LAMA5: variants seen among roughly 807,000 people sequenced by gnomAD.
LAMA5 encodes the protein laminin subunit alpha-5.
LAMA5 carries 260 observed loss-of-function variants against 433.4 expected under a neutral mutation model. That is an observed-to-expected ratio of 0.60 (90% CI 0.54 to 0.66). LAMA5 has a LOEUF of 0.66. Ranked by LOEUF, LAMA5 falls within the 30% of genes least tolerant of loss-of-function variation. The probability of loss-of-function intolerance (pLI) is 0.00; values close to 1 mark genes in which losing one functional copy is unlikely to be tolerated. For missense variants in LAMA5, 5,378 were observed against 5,258.5 expected, an observed-to-expected ratio of 1.02 and a Z score of -0.70; for synonymous variants, 2,620 against 2,226.6, an observed-to-expected ratio of 1.18 and a Z score of -4.97.
chr20:62,314,002 C>T (rs1251134916), intron 62 of LAMA5, among the ~76,000 whole-genome samples, 200 bp from the exon 63 acceptor site: 2 of 68,972 alleles, frequency 2.9e-5, no homozygotes, highest in Non-Finnish European at 5.6e-5. Flanking sequence ...GGCACAGAGA[C>T]GAGGGGTGGC....
At position 62,345,847 on chromosome 20, in the gene LAMA5, T is replaced by A. The variant is rs1183950648; in HGVS notation, c.1448A>T (p.Glu483Val). The A allele has an allele frequency of 3.9e-6, 6 of 1,552,358 alleles. No individual in the cohort carries two copies. The highest frequency in any genetic ancestry group is 4.4e-6 in the Non-Finnish European group (5 of 1,147,848). Residue 483 changes from glutamate to valine, a missense_variant, in exon 11 of 80, where the codon GAG becomes GTG. By Grantham distance (121) the Glu-to-Val change is moderately radical. Transcript: ENST00000252999. ...PTPSSSNDTR[E>V]QVLPAGQIVN... is the part of the protein sequence containing the mutation. ...AATCTGGCCGGCTGGCAGCACCTGC[T>A]CCCTGGTGTCATTGGAGGACGAGGG... is the stretch of plus-strand genomic sequence containing the variant.
Position 62,352,095 on chromosome 20 carries a change from G to C in LAMA5, c.688-16C>G. ...ACACCACGATCTGTGGGCAGTATGC[G>C]GTGACGCCAGTGTGGCCCTAGCCCC... On this transcript the variant is annotated splice_polypyrimidine_tract_variant and intron_variant, in intron 4 of 79. Coordinates refer to ENST00000252999, the MANE Select transcript of LAMA5 (RefSeq NM_005560.6). The C allele has an allele frequency of 2.5e-6, 4 of 1,609,262 alleles. No homozygotes were observed. The highest frequency in any genetic ancestry group is 2.5e-6 in the Non-Finnish European group (3 of 1,179,340).
chr20:62,311,841 A>G, intron 70 of LAMA5, 57 bp from the exon 71 acceptor site: 1 of 592,526 alleles, frequency 1.7e-6, no homozygotes, highest in Non-Finnish European at 2.6e-6. Flanking sequence ...CCCCCACCTC[A>G]GAGGAGACAG....
At chr20:62,348,909 C>T (rs1205863500) in intron 6 of LAMA5, among the ~76,000 whole-genome samples, 2 of 151,978 alleles carry the variant, frequency 1.3e-5, no homozygotes, top group Non-Finnish European at 2.9e-5. Context: ...ATGGGGACTC[C>T]AGGGGAAAAG....
intron 20 of LAMA5, among the ~76,000 whole-genome samples, 162 bp from the exon 21 acceptor site, chr20:62,334,783 G>A (rs1042326852): frequency 1.3e-5 from 2 of 152,122 alleles, no homozygotes; most frequent in East Asian, 3.9e-4. Flanking sequence ...GGGTGAGGGC[G>A]CTGGGATCTG....
rs1982260004 is a variant in LAMA5, at chr20:62,339,556, T to G, written c.1478-948A>C. 5.3e-5 allele frequency among the ~76,000 whole-genome samples: 8 copies of G among 152,190 alleles called. No individual in the cohort carries two copies. In the South Asian group the frequency reaches 1.4e-3, roughly 28 times the overall value. On this transcript the variant is annotated intron_variant, in intron 11 of 79. Coordinates refer to ENST00000252999, the MANE Select transcript of LAMA5 (RefSeq NM_005560.6). ...ACAATGTCAGGTGTTGGGAAGAAGG[T>G]AGAAAGAATGTATCAAATGTCTTAA...
chr20:62,323,505 G>C lies in LAMA5; in HGVS notation c.6015C>G (p.Ile2005Met), dbSNP rs753042508. 120 of 1,561,656 alleles carry C rather than the reference G, an allele frequency of 7.7e-5. 1 individual carries two copies. The African/African-American group carries it at 1.5e-3, about 19-fold the overall frequency. The change falls in exon 45 of 80, where the codon ATC (isoleucine) becomes ATG (methionine). Residue 2005 changes from isoleucine (I) to methionine (M), a missense_variant. Coordinates refer to ENST00000252999, the MANE Select transcript of LAMA5 (RefSeq NM_005560.6). ...LRHTTGPRCE[I>M]CAPGFYGNAL... is the part of the protein sequence containing the mutation. Reference sequence around the variant, plus strand: ...CGTTGCCGTAGAAGCCGGGGGCACAGATCTCGCAGCGGGGCCCAGTGGTGT... The same window carrying C: ...CGTTGCCGTAGAAGCCGGGGGCACACATCTCGCAGCGGGGCCCAGTGGTGT...
At position 62,335,225 on chromosome 20, in the gene LAMA5, A is replaced by C; in HGVS notation, c.2368T>G (p.Cys790Gly). ...TTGGTCCTCAGACTCACCGGCTGGC[A>C]CTCAGCAACTCCACCCAGTGTGCCC... is the stretch of plus-strand genomic sequence containing the variant. ...LRGTLGGVAE[C>G]QPGTGQCFCK... Residue 790 changes from cysteine to glycine, a missense_variant, in exon 19 of 80, where the codon TGC (cysteine) becomes GGC (glycine). Physicochemically the swap from Cys to Gly is radical, Grantham distance 159. Coordinates refer to ENST00000252999, the MANE Select transcript of LAMA5 (RefSeq NM_005560.6). 1 of 1,612,670 alleles carries C rather than the reference A, an allele frequency of 6.2e-7. No individual in the cohort carries two copies. Among genetic ancestry groups the C allele is most frequent in the Non-Finnish European group, 8.5e-7 (1 of 1,179,562 alleles).
At chr20:62,355,898 C>T (rs1244434466) in intron 2 of LAMA5, among the ~76,000 whole-genome samples, 1 of 152,154 alleles carries the variant, frequency 6.6e-6, no homozygotes, top group Non-Finnish European at 1.5e-5. Context: ...CCCCTCCCAC[C>T]AAAGGCTCCG....
rs1441642308 is a variant in LAMA5 at position 62,310,827 on chromosome 20, G to C, written c.10284C>G (p.Val3428=). The change falls in exon 75 of 80, where the codon GTC becomes GTG. Residue 3428 remains valine (V), a splice_region_variant and synonymous_variant. Transcript: ENST00000252999. ...TCCGGTTCTTCTCCCAGCGCACGGAGACCTGGGGGCAGGAGATGGGTCAGG... is the reference window on the plus strand; with the variant it reads ...TCCGGTTCTTCTCCCAGCGCACGGACACCTGGGGGCAGGAGATGGGTCAGG... ...QRSRPGRWHK[V]SVRWEKNRIL... is the part of the protein sequence containing the mutation. 14 of 1,566,762 alleles carry C rather than the reference G, an allele frequency of 8.9e-6. No homozygotes were observed. Among genetic ancestry groups the C allele is most frequent in the Non-Finnish European group, 1.1e-5 (13 of 1,155,820 alleles).
At chr20:62,349,952 GGAGA>G (rs1217787006) in intron 6 of LAMA5, among the ~76,000 whole-genome samples, 1 of 151,266 alleles carries the variant, frequency 6.6e-6, no homozygotes, top group East Asian at 2.0e-4. Context: ...CTTCCCTGGA[GGAGA>G]GGTGGGGTGG....
chr20:62,333,310 G>A, intron 25 of LAMA5, 65 bp downstream of exon 25: 2 of 1,597,130 alleles, frequency 1.3e-6, no homozygotes, highest in Admixed American at 1.7e-5. Flanking sequence ...CTGAGTGGGG[G>A]AAGCCAGGCA....
In LAMA5 at chr20:62,332,731, AG is replaced by A; in HGVS notation, c.3283-15del. On this transcript the variant is annotated splice_polypyrimidine_tract_variant and intron_variant, in intron 26 of 79. Transcript: ENST00000252999. ...CTGGACGTCCACCTGCAGGGAAGGC[AG>A]GGTGACGGGAGGCCCGCCACCCCTC... 2.5e-6 allele frequency: 4 copies of A among 1,608,856 alleles called. No homozygotes were observed. The highest frequency in any genetic ancestry group is 2.5e-6 in the Non-Finnish European group (3 of 1,178,468).
intron 54 of LAMA5, 21 bp downstream of exon 54, chr20:62,317,640 AG>A: frequency 6.5e-7 from 1 of 1,529,644 alleles, no homozygotes; most frequent in Non-Finnish European, 8.8e-7. Flanking sequence ...GGGTGGCGAC[AG>A]GGGCCAGGGG....
intron 2 of LAMA5, among the ~76,000 whole-genome samples, chr20:62,360,664 G>A (rs1225229408): frequency 5.2e-5 from 7 of 133,724 alleles, no homozygotes; most frequent in Admixed American, 7.4e-5. Context: ...AGGGATAGAT[G>A]GGTGGGTGGG....
chr20:62,313,526 G>A (rs938448127), intron 63 of LAMA5, 66 bp from the exon 64 acceptor site: 1 of 1,559,634 alleles, frequency 6.4e-7, no homozygotes, highest in Non-Finnish European at 8.7e-7. Flanking sequence ...TGGACCAAGG[G>A]GACTTCAGAC....
In LAMA5 at chr20:62,322,046, G is replaced by A. The variant is rs1012727771; in HGVS notation, c.6469C>T (p.Pro2157Ser). ...TCACAGTGGATGCTGTGGCCCACAG[G>A]CCCGCCTGGAACAGGCACCTGATGC... is the stretch of plus-strand genomic sequence containing the variant. The part of the protein sequence containing the change: ...QQHQVPVPGG[P>S]VGHSIHCEVC... Residue 2157 changes from proline to serine, a missense_variant, in exon 48 of 80, where the codon CCT (proline) becomes TCT (serine). Coordinates refer to ENST00000252999, the MANE Select transcript of LAMA5 (RefSeq NM_005560.6). The A allele has an allele frequency of 1.3e-6, 2 of 1,599,312 alleles. No individual in the cohort carries two copies. The highest frequency in any genetic ancestry group is 1.7e-6 in the Non-Finnish European group (2 of 1,179,428).
Position 62,359,243 on chromosome 20 carries a change from C to T in LAMA5, c.450+3157G>A, listed in dbSNP as rs979748523. Among the ~76,000 whole-genome samples, 3 of 152,168 alleles carry T rather than the reference C, an allele frequency of 2.0e-5. No individual in the cohort carries two copies. Among genetic ancestry groups the T allele is most frequent in the East Asian group, 3.9e-4 (2 of 5,178 alleles). On this transcript the variant is annotated intron_variant, in intron 2 of 79. Transcript: ENST00000252999. The surrounding 1 kb of genome is among the most constrained non-coding windows in gnomAD (Gnocchi z 4.3). ...TGCCCTCCTCTGCTGGGGAGAGCCC[C>T]GCCCCCACGGTCAGGCCACCCAGGG...
chr20:62,309,950 G>C (rs765948766), intron 78 of LAMA5, 38 bp downstream of exon 78: 4 of 1,605,802 alleles, frequency 2.5e-6, no homozygotes, highest in African/African-American at 1.3e-5. Context: ...CAGAAGGGTG[G>C]GGGTGGCAGA....
Sources: allele counts gnomAD v4.1 joint callset (sites outside exome capture counted in the v4.1 genomes callset), GRCh38; gene constraint gnomAD v4.1.1; non-coding constraint Gnocchi (gnomAD v3.1); transcripts MANE v1.5; gene names NCBI Gene and HGNC (gene_info 2026-07-23, HGNC 2026-07-21).